MKLN1: variants seen among roughly 807,000 people sequenced by gnomAD.
The protein encoded by MKLN1 is muskelin.
In MKLN1, 18 loss-of-function variants were observed where a neutral mutation model predicts 99.0. The observed-to-expected ratio is 0.18, with a 90% CI of 0.13 to 0.27. The LOEUF is 0.27. Ranked by LOEUF, MKLN1 falls within the 10% of genes least tolerant of loss-of-function variation. The pLI is 1.00. For missense variants in MKLN1, 621 were observed against 875.9 expected (o/e 0.71, Z 3.67); for synonymous variants, 288 against 293.2 (o/e 0.98, Z 0.18).
intron 3 of MKLN1, among the ~76,000 whole-genome samples, chr7:131,214,858 T>C (rs1796956879): frequency 6.6e-6 from 1 of 152,242 alleles, no homozygotes; most frequent in African/African-American, 2.4e-5. Context: ...ATGGTATATG[T>C]TTCCATTTAT....
chr7:131,423,566 AG>A (rs1795267186), intron 8 of MKLN1, among the ~76,000 whole-genome samples: 1 of 152,178 alleles, frequency 6.6e-6, no homozygotes, highest in Non-Finnish European at 1.5e-5. Context: ...TCCCGACCTC[AG>A]GTGATCCGCC....
chr7:131,218,631 G>A (rs189539199), intron 3 of MKLN1, among the ~76,000 whole-genome samples: 306 of 152,260 alleles, frequency 2.0e-3, no homozygotes, highest in African/African-American at 7.1e-3. Context: ...ATAAAATGTG[G>A]TATGTGCATA....
At chr7:131,428,980 C>A in intron 8 of MKLN1, 53 bp from the exon 9 acceptor site, 1 of 1,452,608 alleles carries the variant, frequency 6.9e-7, no homozygotes, top group Non-Finnish European at 9.6e-7. Flanking sequence ...GGTTTGGGTG[C>A]TTATGCTTAT....
intron 8 of MKLN1, among the ~76,000 whole-genome samples, 170 bp downstream of exon 8, chr7:131,414,880 G>A (rs573446088): frequency 1.3e-5 from 2 of 152,170 alleles, no homozygotes; most frequent in East Asian, 1.9e-4. Context: ...CTGTATGTGT[G>A]TGTATGTGTC....
chr7:131,402,071 A>G (rs771933834), intron 6 of MKLN1, among the ~76,000 whole-genome samples: 7 of 152,194 alleles, frequency 4.6e-5, no homozygotes, highest in African/African-American at 1.7e-4. Context: ...GTGGTGTGCA[A>G]TGCTGTCTGA....
chr7:131,401,769 C>G (rs1563330449), intron 6 of MKLN1, among the ~76,000 whole-genome samples: 1 of 152,122 alleles, frequency 6.6e-6, no homozygotes, highest in Non-Finnish European at 1.5e-5. Flanking sequence ...TAAAAGTTAT[C>G]TTTCCACTTT....
chr7:131,198,539 T>C (rs1796681872), intron 2 of MKLN1, among the ~76,000 whole-genome samples: 2 of 131,652 alleles, frequency 1.5e-5, no homozygotes, highest in Admixed American at 8.3e-5. Context: ...ATTTCAAAGA[T>C]AGTGTGTCCT....
chr7:131,350,495 A>C (rs1052317543), intron 1 of MKLN1, among the ~76,000 whole-genome samples: 3 of 152,236 alleles, frequency 2.0e-5, no homozygotes, highest in Non-Finnish European at 4.4e-5. Flanking sequence ...CTAAGGCTAC[A>C]GTCAAGATGT....
chr7:131,231,119 CAAAAAAAAAAAAA>C (rs58048470), intron 3 of MKLN1, among the ~76,000 whole-genome samples: 2 of 60,368 alleles, frequency 3.3e-5, no homozygotes, highest in African/African-American at 1.4e-4. Flanking sequence ...GACTCTGTCT[CAAAAAAAAAAAAA>C]AAAAAAAAAA....
chr7:131,384,228 C>T (rs1793940812), intron 2 of MKLN1, among the ~76,000 whole-genome samples: 1 of 112,400 alleles, frequency 8.9e-6, no homozygotes, highest in African/African-American at 3.4e-5. Flanking sequence ...CCCCCCACCC[C>T]CACCCCTACC....
chr7:131,293,284 C>G (rs62472025), intron 3 of MKLN1, among the ~76,000 whole-genome samples: 67,128 of 152,018 alleles, frequency 0.44, 16,297 homozygotes, highest in Admixed American at 0.59. Flanking sequence ...ATGAATCAGT[C>G]CAGCCAAAAT....
At chr7:131,410,324 C>T (rs1794838419) in intron 6 of MKLN1, among the ~76,000 whole-genome samples, 2 of 152,058 alleles carry the variant, frequency 1.3e-5, no homozygotes, top group Admixed American at 6.5e-5. Flanking sequence ...TTTTTAAATA[C>T]AAATTTCTGG....
chr7:131,383,510 G>A (rs190723817), intron 2 of MKLN1, among the ~76,000 whole-genome samples: 13 of 152,126 alleles, frequency 8.5e-5, no homozygotes, highest in African/African-American at 3.1e-4. Flanking sequence ...CAATGGAAAA[G>A]CTGTCTAGCA....
intron 7 of MKLN1, among the ~76,000 whole-genome samples, chr7:131,413,902 C>A (rs923338130): frequency 6.6e-6 from 1 of 152,088 alleles, no homozygotes; most frequent in Non-Finnish European, 1.5e-5. Context: ...TAATAGTGTT[C>A]TCTTTTGGAA....
chr7:131,238,788 A>C (rs1797360589), intron 3 of MKLN1, among the ~76,000 whole-genome samples: 2 of 152,170 alleles, frequency 1.3e-5, no homozygotes, highest in Non-Finnish European at 2.9e-5. Context: ...TGATTCTCCC[A>C]CCTTCACGTC....
At chr7:131,207,299 G>A (rs1796827985) in intron 3 of MKLN1, among the ~76,000 whole-genome samples, 1 of 152,138 alleles carries the variant, frequency 6.6e-6, no homozygotes, top group African/African-American at 2.4e-5. Context: ...CCCGGTTGAA[G>A]TGATTCTTGT....
chr7:131,367,075 C>T (rs1800204776), intron 1 of MKLN1, among the ~76,000 whole-genome samples: 1 of 152,030 alleles, frequency 6.6e-6, no homozygotes, highest in Non-Finnish European at 1.5e-5. Context: ...TTTTCAGTTA[C>T]CCATTTGTGT....
At chr7:131,285,286 AG>A (rs1287480118) in intron 3 of MKLN1, among the ~76,000 whole-genome samples, 2 of 152,276 alleles carry the variant, frequency 1.3e-5, no homozygotes, top group East Asian at 3.9e-4. Context: ...AGCCTAGGGG[AG>A]GAAAAAGGGC....
intron 4 of MKLN1, among the ~76,000 whole-genome samples, chr7:131,392,543 A>G (rs528992884): frequency 6.6e-6 from 1 of 152,182 alleles, no homozygotes; most frequent in Admixed American, 6.5e-5. Context: ...CTGTAGTAGA[A>G]TAGTAGATGC....
Sources: gnomAD v4.1 joint callset for allele counts (sites outside exome capture counted in the v4.1 genomes callset) on GRCh38, gnomAD v4.1.1 for gene constraint, MANE v1.5 for transcripts, NCBI Gene and HGNC (gene_info 2026-07-23, HGNC 2026-07-21) for gene names.